The following RANBP2 variants were observed in gnomAD, a reference collection of about 807,000 sequenced individuals.
RANBP2 encodes the protein RAN binding protein 2.
RANBP2 carries 57 observed loss-of-function variants against 303.6 expected under a neutral mutation model. That is an observed-to-expected ratio of 0.19 (90% CI 0.15 to 0.23). The LOEUF is 0.23. Among genes scored for constraint, RANBP2 ranks in the 10% least tolerant of loss-of-function variants. RANBP2 has a pLI of 1.00. For missense variants in RANBP2, 3,138 were observed against 3,780.8 expected (o/e 0.83, Z 4.46); for synonymous variants, 1,167 against 1,301.5 (o/e 0.90, Z 2.23).
the RANBP2 span, among the ~76,000 whole-genome samples, chr2:109,481,289 G>C: frequency 3.9e-5 from 6 of 152,250 alleles, no homozygotes; most frequent in Non-Finnish European, 7.3e-5. Context: ...CACAGTTGCT[G>C]TGTCTGCTGG....
the RANBP2 span, chr2:108,912,668 C>T: frequency 6.3e-7 from 1 of 1,579,794 alleles, no homozygotes. Context: ...TACCTGAGCA[C>T]CCTCCTCACC....
chr2:109,546,763 A>G, the RANBP2 span, among the ~76,000 whole-genome samples: 1 of 152,234 alleles, frequency 6.6e-6, no homozygotes, highest in Admixed American at 6.5e-5. Context: ...TAGTCTTTCA[A>G]TGTCCTGAGA....
At chr2:109,530,899 G>C in the RANBP2 span, among the ~76,000 whole-genome samples, 1 of 152,218 alleles carries the variant, frequency 6.6e-6, no homozygotes, top group Non-Finnish European at 1.5e-5. Context: ...CATCTACGGA[G>C]AGGGAGAAAA....
At chr2:109,051,992 C>A in the RANBP2 span, among the ~76,000 whole-genome samples, 3 of 152,212 alleles carry the variant, frequency 2.0e-5, no homozygotes, top group African/African-American at 7.2e-5. Flanking sequence ...TGGTGATCCG[C>A]CCGCCTCGGC....
the RANBP2 span, among the ~76,000 whole-genome samples, chr2:109,311,489 C>T: frequency 6.7e-6 from 1 of 149,264 alleles, no homozygotes; most frequent in Admixed American, 6.7e-5. Context: ...GAAGTTCTGG[C>T]CAGGGCAATT....
chr2:109,714,596 G>C, the RANBP2 span, among the ~76,000 whole-genome samples: 1 of 151,178 alleles, frequency 6.6e-6, no homozygotes, highest in Admixed American at 6.6e-5. Context: ...CACTGTGCCC[G>C]AGCTTTATTT....
chr2:108,798,852 C>CACACA, the RANBP2 span, among the ~76,000 whole-genome samples: 20 of 150,006 alleles, frequency 1.3e-4, no homozygotes, highest in Admixed American at 6.7e-4. Flanking sequence ...CACACACACA[C>CACACA]ATTTTTTCTG....
At chr2:109,550,320 T>G in the RANBP2 span, among the ~76,000 whole-genome samples, 4,212 of 148,640 alleles carry the variant, frequency 0.028, 65 homozygotes, top group South Asian at 0.076. Context: ...TCTTTTTTTT[T>G]TTTGTTTTTT....
the RANBP2 span, among the ~76,000 whole-genome samples, chr2:109,238,693 C>T: frequency 6.6e-6 from 1 of 152,144 alleles, no homozygotes; most frequent in Non-Finnish European, 1.5e-5. Flanking sequence ...GGCCTCACTC[C>T]ACAGAGGACC....
chr2:109,672,599 G>C, the RANBP2 span, among the ~76,000 whole-genome samples: 17 of 152,284 alleles, frequency 1.1e-4, no homozygotes, highest in African/African-American at 3.8e-4. Flanking sequence ...CCTTCGGTAT[G>C]AACTGTTTTT....
chr2:108,973,945 T>C, the RANBP2 span, among the ~76,000 whole-genome samples: 1 of 152,178 alleles, frequency 6.6e-6, no homozygotes, highest in African/African-American at 2.4e-5. Context: ...AGCATCACCT[T>C]TGTTCACAAA....
chr2:109,354,663 A>G, the RANBP2 span, among the ~76,000 whole-genome samples: 1 of 152,230 alleles, frequency 6.6e-6, no homozygotes, highest in African/African-American at 2.4e-5. Flanking sequence ...GTGGTGTCAA[A>G]GGGCAGTGTG....
chr2:109,333,200 T>TA, the RANBP2 span, among the ~76,000 whole-genome samples: 18 of 152,230 alleles, frequency 1.2e-4, no homozygotes, highest in African/African-American at 4.3e-4. Flanking sequence ...ATGATGGACT[T>TA]ACCTGTATCT....
chr2:108,979,153 T>A, the RANBP2 span, among the ~76,000 whole-genome samples: 3 of 152,202 alleles, frequency 2.0e-5, no homozygotes, highest in Non-Finnish European at 4.4e-5. Context: ...CCTCTCACTG[T>A]GTTTCTCCAT....
the RANBP2 span, among the ~76,000 whole-genome samples, chr2:109,345,183 T>C: frequency 6.6e-6 from 1 of 152,286 alleles, no homozygotes; most frequent in African/African-American, 2.4e-5. Context: ...CACCCCAGCT[T>C]TACCTGCCAC....
At chr2:109,733,015 G>A in the RANBP2 span, 1 of 580,018 alleles carries the variant, frequency 1.7e-6, no homozygotes, top group South Asian at 1.4e-5. Context: ...ATTATTGTAG[G>A]AGGGGTCTTC....
chr2:109,117,749 C>T, the RANBP2 span, among the ~76,000 whole-genome samples: 2 of 152,364 alleles, frequency 1.3e-5, no homozygotes, highest in African/African-American at 4.8e-5. Flanking sequence ...GAGCTGTAGA[C>T]GGGAGCTGTT....
At chr2:108,822,036 G>A in the RANBP2 span, among the ~76,000 whole-genome samples, 1 of 151,810 alleles carries the variant, frequency 6.6e-6, no homozygotes, top group Non-Finnish European at 1.5e-5. Flanking sequence ...TAAACAGCCA[G>A]CACCCAACTG....
At chr2:109,763,623 ATAGT>A in the RANBP2 span, among the ~76,000 whole-genome samples, 1 of 150,372 alleles carries the variant, frequency 6.7e-6, no homozygotes, top group East Asian at 2.0e-4. Context: ...ATAAACTACC[ATAGT>A]TAGGAAAGTA....
Sources: allele counts gnomAD v4.1 joint callset (sites outside exome capture counted in the v4.1 genomes callset), GRCh38; gene constraint gnomAD v4.1.1; transcripts MANE v1.5; gene names NCBI Gene and HGNC (gene_info 2026-07-23, HGNC 2026-07-21).